Variants in CTSO observed in about 807,000 individuals in gnomAD.
The protein encoded by CTSO is cathepsin O.
In CTSO, 40 loss-of-function variants were observed where a neutral mutation model predicts 42.4. That is an observed-to-expected ratio of 0.94 (90% confidence interval 0.73 to 1.23). CTSO has a LOEUF of 1.23. Among genes scored for constraint, CTSO ranks in the 50% most tolerant of loss-of-function variants. The pLI, the probability that CTSO is intolerant of heterozygous loss-of-function variation, is 0.00. For missense variants in CTSO, 441 were observed against 396.0 expected (o/e 1.11, Z -0.96); for synonymous variants, 156 against 146.2 (o/e 1.07, Z -0.48).
chr4:155,936,060 T>G (rs1402756842), intron 5 of CTSO, among the ~76,000 whole-genome samples: 1 of 152,176 alleles, frequency 6.6e-6, no homozygotes, highest in African/African-American at 2.4e-5. Flanking sequence ...GTAAATCTAG[T>G]TTTTTCTTGT....
At chr4:155,928,458 C>T (rs1743171174) in intron 6 of CTSO, 30 bp from the exon 7 acceptor site, 3 of 1,481,620 alleles carry the variant, frequency 2.0e-6, no homozygotes, top group South Asian at 2.4e-5. Context: ...GTAACAAATC[C>T]TGAAAACTCA....
chr4:155,932,280 A>G (rs1345489492), intron 5 of CTSO, among the ~76,000 whole-genome samples: 3 of 152,108 alleles, frequency 2.0e-5, no homozygotes, highest in Non-Finnish European at 4.4e-5. Flanking sequence ...AGACCACATG[A>G]CGTTACCAAT....
chr4:155,953,171 A>G (rs7665438), intron 1 of CTSO, among the ~76,000 whole-genome samples: 140,328 of 152,098 alleles, frequency 0.92, 65,422 homozygotes, highest in East Asian at 1. Context: ...GAACTTTTAA[A>G]GTGGTGCGTT....
intron 1 of CTSO, among the ~76,000 whole-genome samples, chr4:155,948,854 C>A (rs1743594035): frequency 6.6e-6 from 1 of 152,112 alleles, no homozygotes. Flanking sequence ...GAGTAGAAAC[C>A]CAAGGAGGGT....
intron 5 of CTSO, among the ~76,000 whole-genome samples, chr4:155,936,772 A>G (rs1743338758): frequency 2.0e-5 from 3 of 152,152 alleles, no homozygotes. Context: ...CATTCCCATC[A>G]TGCTTATAGT....
At chr4:155,927,573 T>G (rs1225382815) in intron 7 of CTSO, among the ~76,000 whole-genome samples, 1 of 152,026 alleles carries the variant, frequency 6.6e-6, no homozygotes, top group African/African-American at 2.4e-5. Flanking sequence ...ATTGAGACCA[T>G]CCTGGCTAAC....
chr4:155,942,247 G>T, intron 3 of CTSO, 70 bp downstream of exon 3: 3 of 1,267,364 alleles, frequency 2.4e-6, no homozygotes, highest in South Asian at 4.5e-5. Context: ...TTACAACTTT[G>T]ATTAAACTTG....
chr4:155,929,495 C>T (rs1182060122), intron 6 of CTSO, 47 bp downstream of exon 6: 8 of 1,566,010 alleles, frequency 5.1e-6, no homozygotes, highest in Non-Finnish European at 6.1e-6. Context: ...ATTTTGCACT[C>T]AGTGTCCATG....
At position 155,925,343 on chromosome 4, in the gene CTSO, A is replaced by G. The variant is rs1743112105; in HGVS notation, c.*693T>C. ...ATTCCTATTCACAATGAAAATTATC[A>G]AACAATAATTTGTCTCTCAGGCAAT... On this transcript the variant is annotated 3_prime_UTR_variant, in exon 8 of 8. Coordinates refer to ENST00000433477, the MANE Select transcript of CTSO (RefSeq NM_001334.3). 6.6e-6 allele frequency: 1 copy of G among 152,226 alleles called. No individual in the cohort carries two copies. Among genetic ancestry groups the G allele is most frequent in the Non-Finnish European group, 1.5e-5 (1 of 68,048 alleles). 9.4% of individuals were successfully genotyped at this position (152,226 alleles called of 1,614,324 possible). A position where few individuals can be genotyped will look rare whatever the true frequency, so the allele number is the denominator to read the frequency against.
intron 4 of CTSO, 38 bp from the exon 5 acceptor site, chr4:155,937,521 T>C: frequency 6.3e-7 from 1 of 1,596,508 alleles, no homozygotes; most frequent in African/African-American, 1.3e-5. Flanking sequence ...TTACTGTCAA[T>C]TGTTTTATAA....
intron 4 of CTSO, among the ~76,000 whole-genome samples, chr4:155,937,736 TC>T (rs1743357175): frequency 6.6e-6 from 1 of 152,092 alleles, no homozygotes; most frequent in South Asian, 2.1e-4. Flanking sequence ...CACCTCCGTC[TC>T]CCCAGTAGCT....
At chr4:155,935,458 T>C (rs539375244) in intron 5 of CTSO, among the ~76,000 whole-genome samples, 3 of 152,074 alleles carry the variant, frequency 2.0e-5, no homozygotes, top group South Asian at 4.1e-4. Context: ...ATTTACAGCC[T>C]CTCTGCTTGG....
chr4:155,932,832 C>T (rs1311717969), intron 5 of CTSO, among the ~76,000 whole-genome samples: 56 of 152,176 alleles, frequency 3.7e-4, no homozygotes, highest in Non-Finnish European at 2.9e-5. Context: ...GGTGTTCCAA[C>T]TGAACTCTTA....
chr4:155,928,467 C>G (rs757821520), intron 6 of CTSO, 39 bp from the exon 7 acceptor site: 11 of 1,415,502 alleles, frequency 7.8e-6, no homozygotes, highest in Non-Finnish European at 1.1e-5. Context: ...CCTGAAAACT[C>G]AAATTTGTTA....
intron 1 of CTSO, among the ~76,000 whole-genome samples, chr4:155,948,671 C>A (rs1743591087): frequency 6.6e-6 from 1 of 152,158 alleles, no homozygotes; most frequent in Non-Finnish European, 1.5e-5. Context: ...GGTTAGGCTG[C>A]AGTTTTAAAA....
At chr4:155,941,905 CT>C (rs1311584572) in intron 3 of CTSO, among the ~76,000 whole-genome samples, 4 of 152,138 alleles carry the variant, frequency 2.6e-5, no homozygotes, top group African/African-American at 9.7e-5. Context: ...TTTCATTTTA[CT>C]TTTTCACTTT....
intron 1 of CTSO, among the ~76,000 whole-genome samples, chr4:155,948,632 A>G (rs1743590592): frequency 6.6e-6 from 1 of 152,152 alleles, no homozygotes; most frequent in Non-Finnish European, 1.5e-5. Flanking sequence ...AACTCTATTG[A>G]CAAGAGACCT....
chr4:155,942,227 G>C, intron 3 of CTSO, 90 bp downstream of exon 3: 1 of 1,059,280 alleles, frequency 9.4e-7, no homozygotes, highest in Non-Finnish European at 1.3e-6. Flanking sequence ...CTAGAGAAAT[G>C]ATGTTTCCAT....
chr4:155,945,183 G>C (rs949340823), intron 1 of CTSO, among the ~76,000 whole-genome samples: 8 of 152,104 alleles, frequency 5.3e-5, no homozygotes, highest in African/African-American at 1.9e-4. Flanking sequence ...CTTGAACCTG[G>C]AAGGCGGAGG....
Sources: gnomAD v4.1 joint callset for allele counts (sites outside exome capture counted in the v4.1 genomes callset) on GRCh38, gnomAD v4.1.1 for gene constraint, MANE v1.5 for transcripts, NCBI Gene and HGNC (gene_info 2026-07-23, HGNC 2026-07-21) for gene names.